Variants in LEO1 observed in about 807,000 individuals in gnomAD.
LEO1 encodes the protein LEO1 component of Paf1/RNA polymerase II complex, also known as RNA polymerase-associated protein LEO1.
A neutral mutation model predicts 80.4 loss-of-function variants in LEO1; 34 were observed. That is an observed-to-expected ratio of 0.42 (90% confidence interval 0.32 to 0.56). The LOEUF (loss-of-function observed/expected upper bound fraction) is 0.56, where lower values mean the gene tolerates loss of function less well. Among genes scored for constraint, LEO1 ranks in the 20% least tolerant of loss-of-function variants. The pLI, the probability that LEO1 is intolerant of heterozygous loss-of-function variation, is 0.10. For synonymous variants in LEO1, 262 were observed against 274.9 expected, an observed-to-expected ratio of 0.95 and a Z score of 0.46; for missense variants, 631 against 814.2, an observed-to-expected ratio of 0.77 and a Z score of 2.74.
At chr15:51,940,816 G>C (rs1304760088) in intron 11 of LEO1, among the ~76,000 whole-genome samples, 1 of 151,832 alleles carries the variant, frequency 6.6e-6, no homozygotes, top group Non-Finnish European at 1.5e-5. Context: ...TAAATAATAA[G>C]GCCGTATGTG....
chr15:51,966,737 C>G (rs547017863), intron 1 of LEO1, among the ~76,000 whole-genome samples: 3 of 151,862 alleles, frequency 2.0e-5, no homozygotes, highest in Non-Finnish European at 2.9e-5. Flanking sequence ...ATAGCGAAAC[C>G]CTGTCTCTAC....
rs1341095806 is a variant in LEO1, at chr15:51,954,706, A to G, written c.1246-131T>C. Reference sequence around the variant, plus strand: ...CAGATGTATGTGTGGCAGGAGAATGAACAACACTGAAACCCTCTTTAATCA... The same window carrying G: ...CAGATGTATGTGTGGCAGGAGAATGGACAACACTGAAACCCTCTTTAATCA... On this transcript the variant is annotated intron_variant, in intron 6 of 11. Coordinates refer to ENST00000299601, the MANE Select transcript of LEO1 (RefSeq NM_138792.4). 9.2e-6 allele frequency: 6 copies of G among 650,322 alleles called. No homozygotes were observed. In the South Asian group the frequency reaches 1.1e-4, roughly 12 times the overall value. The allele number at this position is 650,322 out of a possible 1,614,324, so 40.3% of individuals were successfully genotyped here. A position where few individuals can be genotyped will look rare whatever the true frequency, so the allele number is the denominator to read the frequency against.
Position 51,965,733 on chromosome 15 carries a change from C to A in LEO1, c.814+16G>T. On this transcript the variant is annotated intron_variant, in intron 2 of 11. Coordinates refer to ENST00000299601, the MANE Select transcript of LEO1 (RefSeq NM_138792.4). Reference sequence around the variant, plus strand: ...TGCTTCTTTCTGAGCCATTCTGGTTCTCATAAATGTATTACCTGATTTATG... The same window carrying A: ...TGCTTCTTTCTGAGCCATTCTGGTTATCATAAATGTATTACCTGATTTATG... 6.3e-7 allele frequency: 1 copy of A among 1,585,146 alleles called. No individual in the cohort carries two copies. The highest frequency in any genetic ancestry group is 1.2e-5 in the South Asian group (1 of 85,544).
At chr15:51,947,891 C>A (rs1304606210) in intron 10 of LEO1, among the ~76,000 whole-genome samples, 3 of 152,124 alleles carry the variant, frequency 2.0e-5, no homozygotes, top group Non-Finnish European at 4.4e-5. Context: ...AGCAGACTTA[C>A]CCTCTCAAAA....
rs1389597842 is a variant in LEO1 at position 51,947,300 on chromosome 15, T to C, written c.1888A>G (p.Ser630Gly). 1 of 1,608,246 alleles carries C rather than the reference T, an allele frequency of 6.2e-7. No individual in the cohort carries two copies. The highest frequency in any genetic ancestry group is 2.2e-5 in the East Asian group (1 of 44,870). Residue 630 changes from serine (S) to glycine (G), a missense_variant, in exon 11 of 12, where the codon AGT becomes GGT. Transcript: ENST00000299601. ...AATAAATTTGGTCTTACCTCATCAC[T>C]GGTAAGTTTCTTTGCTTTGAGTAAT... ...QRLLKAKKLT[S>G]DEEGEPSGKR...
At chr15:51,956,337 T>A (rs577835191) in intron 6 of LEO1, among the ~76,000 whole-genome samples, 39 of 151,622 alleles carry the variant, frequency 2.6e-4, no homozygotes, top group African/African-American at 9.4e-4. Flanking sequence ...GGAGAATTGC[T>A]TGAACCCGGG....
At position 51,971,762 on chromosome 15, in the gene LEO1, T is replaced by A; in HGVS notation, c.-17A>T. On this transcript the variant is annotated 5_prime_UTR_variant, in exon 1 of 12. Coordinates refer to ENST00000299601, the MANE Select transcript of LEO1 (RefSeq NM_138792.4). ...ATCCGCCATTATCGCTCACGTCCGCTGCTGCCTCGGTTAGGGGCAGCTCCC... is the reference window on the plus strand; with the variant it reads ...ATCCGCCATTATCGCTCACGTCCGCAGCTGCCTCGGTTAGGGGCAGCTCCC... The A allele has an allele frequency of 6.2e-7, 1 of 1,614,098 alleles. No homozygotes were observed. Among genetic ancestry groups the A allele is most frequent in the Non-Finnish European group, 8.5e-7 (1 of 1,179,932 alleles).
At chr15:51,956,306 G>C (rs2056988548) in intron 6 of LEO1, among the ~76,000 whole-genome samples, 1 of 151,778 alleles carries the variant, frequency 6.6e-6, no homozygotes. Context: ...TGTAATTCCA[G>C]CTACTCGGGA....
chr15:51,971,722 G>C lies in LEO1; in HGVS notation c.24C>G (p.Phe8Leu). Residue 8 changes from phenylalanine to leucine, a missense_variant, in exon 1 of 12, where the codon TTC (phenylalanine) becomes TTG (leucine). By Grantham distance (22) the Phe-to-Leu change is conservative. Coordinates refer to ENST00000299601, the MANE Select transcript of LEO1 (RefSeq NM_138792.4). MADMEDL[F>L]GSDADSEAER... ...CAGCTTCGCTGTCGGCGTCGCTCCC[G>C]AAGAGATCCTCCATATCCGCCATTA... 2 of 1,614,144 alleles carry C rather than the reference G, an allele frequency of 1.2e-6. No homozygotes were observed. The highest frequency in any genetic ancestry group is 1.7e-6 in the Non-Finnish European group (2 of 1,180,028).
intron 1 of LEO1, among the ~76,000 whole-genome samples, chr15:51,970,259 G>T (rs1262988005): frequency 6.6e-6 from 1 of 152,150 alleles, no homozygotes; most frequent in African/African-American, 2.4e-5. Flanking sequence ...CTGGGTTCAA[G>T]TGATTCTCAT....
chr15:51,966,499 C>A lies in LEO1; in HGVS notation c.64G>T (p.Asp22Tyr), dbSNP rs749889957. The A allele has an allele frequency of 6.4e-7, 1 of 1,570,438 alleles. No individual in the cohort carries two copies. Among genetic ancestry groups the A allele is most frequent in the Non-Finnish European group, 8.7e-7 (1 of 1,144,026 alleles). Residue 22 changes from aspartate to tyrosine, a missense_variant, in exon 2 of 12, where the codon GAT becomes TAT. This residue lies in a region of LEO1 where 394 missense variants were observed against 395.6 expected (regional missense o/e 1.00). Transcript: ENST00000299601. Reference sequence around the variant, plus strand: ...TCAGAATCTGAGTCAGATCCAGAATCAGAATCTATGGGGTCATATAAACAT... The same window carrying A: ...TCAGAATCTGAGTCAGATCCAGAATAAGAATCTATGGGGTCATATAAACAT... Reference protein sequence around the residue: ...ADSEAERKDSDSGSDSDSDQE... With the variant: ...ADSEAERKDSYSGSDSDSDQE...
At chr15:51,971,665 C>T (rs1157870132) in intron 1 of LEO1, 23 bp downstream of exon 1, 1 of 1,613,304 alleles carries the variant, frequency 6.2e-7, no homozygotes, top group Non-Finnish European at 8.5e-7. Flanking sequence ...ACGCACCCAT[C>T]CTCCGAAGAC....
chr15:51,961,555 G>A (rs751550093), intron 3 of LEO1, among the ~76,000 whole-genome samples: 2 of 151,778 alleles, frequency 1.3e-5, no homozygotes, highest in African/African-American at 4.8e-5. Context: ...ACCTCGCCCC[G>A]CTAATGTTTT....
At position 51,966,405 on chromosome 15, in the gene LEO1, G is replaced by C; in HGVS notation, c.158C>G (p.Ser53Ter). The change falls in exon 2 of 12, where the codon TCA (serine) becomes TGA (stop). Residue 53 changes from serine to a stop codon, truncating the protein, a stop_gained. Coordinates refer to ENST00000299601, the MANE Select transcript of LEO1 (RefSeq NM_138792.4). LOFTEE classifies it high-confidence loss of function. Reference protein sequence around the residue: ...SESDQDERGDSGQPSNKELFG... With the variant: ...SESDQDERGD Reference sequence around the variant, plus strand: ...CAGTTCCTTATTACTTGGTTGTCCTGAATCACCTCTTTCATCCTGATCACT... The same window carrying C: ...CAGTTCCTTATTACTTGGTTGTCCTCAATCACCTCTTTCATCCTGATCACT... The C allele has an allele frequency of 6.2e-7, 1 of 1,614,072 alleles. No homozygotes were observed. Among genetic ancestry groups the C allele is most frequent in the Non-Finnish European group, 8.5e-7 (1 of 1,179,948 alleles).
chr15:51,967,636 C>T (rs1040262372), intron 1 of LEO1, among the ~76,000 whole-genome samples: 4 of 152,082 alleles, frequency 2.6e-5, no homozygotes, highest in Non-Finnish European at 4.4e-5. Context: ...ATTCCAAAAG[C>T]GGGCAAAAGA....
intron 11 of LEO1, chr15:51,946,892 A>T (rs1040652070): frequency 6.1e-6 from 1 of 163,198 alleles, no homozygotes; most frequent in East Asian, 1.9e-4. Context: ...GAAGTTTTAC[A>T]AAAAGGAGAT....
chr15:51,942,421 A>C (rs200450870), intron 11 of LEO1, among the ~76,000 whole-genome samples: 7,621 of 152,062 alleles, frequency 0.05, 435 homozygotes, highest in African/African-American at 0.12. Flanking sequence ...GATCACTTAA[A>C]AAAAAAAAAA....
At chr15:51,947,612 T>G (rs112339006) in intron 10 of LEO1, among the ~76,000 whole-genome samples, 2,323 of 152,076 alleles carry the variant, frequency 0.015, 68 homozygotes, top group East Asian at 0.075. Flanking sequence ...TTAGTGGAGA[T>G]GAAGTCTTGC....
chr15:51,965,910 A>G lies in LEO1; in HGVS notation c.653T>C (p.Val218Ala). Residue 218 changes from valine (V) to alanine (A), a missense_variant, in exon 2 of 12, where the codon GTA becomes GCA. Val to Ala is a moderately conservative substitution (Grantham distance 64). This residue lies in a region of LEO1 where 394 missense variants were observed against 395.6 expected (regional missense o/e 1.00). Transcript: ENST00000299601. ...EKANSDDERP[V>A]ASDNDDEKQN... Reference sequence around the variant, plus strand: ...TTTCTCATCATCATTATCAGAAGCTACCGGCCGTTCATCATCAGAATTAGC... The same window carrying G: ...TTTCTCATCATCATTATCAGAAGCTGCCGGCCGTTCATCATCAGAATTAGC... 6.2e-7 allele frequency: 1 copy of G among 1,614,022 alleles called. No individual in the cohort carries two copies. The highest frequency in any genetic ancestry group is 8.5e-7 in the Non-Finnish European group (1 of 1,179,970).
Sources: gnomAD v4.1 joint callset for allele counts (sites outside exome capture counted in the v4.1 genomes callset) on GRCh38, gnomAD v4.1.1 for gene constraint, gnomAD v4.1.1 regional missense constraint, MANE v1.5 for transcripts, NCBI Gene and HGNC (gene_info 2026-07-23, HGNC 2026-07-21) for gene names.